Variants in ZNF804B observed in about 807,000 individuals in gnomAD.
The protein encoded by ZNF804B is zinc finger protein 804B, also known as zinc finger 804B.
In ZNF804B, 80 loss-of-function variants were observed where a neutral mutation model predicts 101.4. That is an observed-to-expected ratio of 0.79 (90% CI 0.66 to 0.95). The LOEUF (loss-of-function observed/expected upper bound fraction) is 0.95. ZNF804B is among the 40% of genes least tolerant of loss of function. The pLI, the probability that ZNF804B is intolerant of heterozygous loss-of-function variation, is 0.00. For missense variants in ZNF804B, 1,673 were observed against 1,561.9 expected, an observed-to-expected ratio of 1.07 and a Z score of -1.20; for synonymous variants, 622 against 558.8, an observed-to-expected ratio of 1.11 and a Z score of -1.59.
chr7:88,883,915 A>G (rs1191360687), intron 1 of ZNF804B, among the ~76,000 whole-genome samples: 1 of 152,044 alleles, frequency 6.6e-6, no homozygotes, highest in Non-Finnish European at 1.5e-5. Flanking sequence ...TATTTATTTT[A>G]GAAGACAATA....
At chr7:88,913,046 A>G (rs1367639753) in intron 1 of ZNF804B, among the ~76,000 whole-genome samples, 1 of 152,184 alleles carries the variant, frequency 6.6e-6, no homozygotes, top group African/African-American at 2.4e-5. Flanking sequence ...CAACATAGGT[A>G]GCTTCCTGGT....
chr7:88,804,560 C>G (rs1352684399), intron 1 of ZNF804B, among the ~76,000 whole-genome samples: 1 of 151,952 alleles, frequency 6.6e-6, no homozygotes, highest in African/African-American at 2.4e-5. Context: ...AACTAACACA[C>G]AGTGCACATT....
chr7:89,334,305 A>C lies in ZNF804B; in HGVS notation c.1323A>C (p.Leu441=). 2 of 1,613,846 alleles carry C rather than the reference A, an allele frequency of 1.2e-6. No individual in the cohort carries two copies. Among genetic ancestry groups the C allele is most frequent in the Non-Finnish European group, 1.7e-6 (2 of 1,179,850 alleles). Residue 441 remains leucine (L), a synonymous_variant, in exon 4 of 4, where the codon CTA becomes CTC. Transcript: ENST00000333190. ...ACTHNVASKP[L]PFLHVQSKDG... ...CCCATAATGTGGCATCTAAACCACT[A>C]CCTTTTCTCCACGTTCAAAGCAAGG...
chr7:88,768,444 G>A (rs7802122), intron 1 of ZNF804B, among the ~76,000 whole-genome samples: 59,224 of 152,098 alleles, frequency 0.39, 13,126 homozygotes, highest in African/African-American at 0.6. Context: ...TTGGCTAGGC[G>A]CAGTGGCTCA....
At chr7:89,182,056 T>A (rs1228630193) in intron 1 of ZNF804B, among the ~76,000 whole-genome samples, 1 of 152,196 alleles carries the variant, frequency 6.6e-6, no homozygotes, top group African/African-American at 2.4e-5. Context: ...CAAATTAACA[T>A]TGAGCAGATG....
At chr7:89,241,876 G>A (rs914026043) in intron 2 of ZNF804B, among the ~76,000 whole-genome samples, 2 of 150,754 alleles carry the variant, frequency 1.3e-5, no homozygotes, top group Non-Finnish European at 3.0e-5. Flanking sequence ...ATGGTTATTG[G>A]AAGAGTCTAC....
At chr7:89,208,426 C>T (rs1441161307) in intron 1 of ZNF804B, among the ~76,000 whole-genome samples, 1 of 152,138 alleles carries the variant, frequency 6.6e-6, no homozygotes, top group East Asian at 1.9e-4. Context: ...AATCTACAGC[C>T]TTTATAAACT....
intron 1 of ZNF804B, among the ~76,000 whole-genome samples, chr7:88,885,222 C>T (rs1562822593): frequency 6.6e-6 from 1 of 151,880 alleles, no homozygotes. Context: ...CTGCTACCTT[C>T]CTCAGAGCAG....
At chr7:89,060,603 C>T (rs1049947712) in intron 1 of ZNF804B, among the ~76,000 whole-genome samples, 1 of 151,996 alleles carries the variant, frequency 6.6e-6, no homozygotes, top group African/African-American at 2.4e-5. Context: ...AAGAAATCTC[C>T]CCTGCCAAGT....
chr7:89,265,384 C>T (rs1394747158), intron 2 of ZNF804B, among the ~76,000 whole-genome samples: 2 of 152,126 alleles, frequency 1.3e-5, no homozygotes, highest in African/African-American at 4.8e-5. Context: ...AAAAAGGATG[C>T]TTTAGGCAGG....
At chr7:88,855,829 C>A (rs1440221290) in intron 1 of ZNF804B, among the ~76,000 whole-genome samples, 2 of 152,164 alleles carry the variant, frequency 1.3e-5, no homozygotes, top group Non-Finnish European at 2.9e-5. Context: ...ATATGGCTAG[C>A]CAGTTTTCCC....
Position 88,795,382 on chromosome 7 carries a change from T to G in ZNF804B, c.108+35298T>G, listed in dbSNP as rs150418943. 2.1e-3 allele frequency among the ~76,000 whole-genome samples: 318 copies of G among 152,246 alleles called. 2 individuals carry two copies. The highest frequency in any genetic ancestry group is 7.4e-3 in the African/African-American group (308 of 41,566). ...AAAAAATCCAAGGCTTTTTAAGTCC[T>G]AATTAGCTTATGTAACCTTTAGTCA... On this transcript the variant is annotated intron_variant, in intron 1 of 3. Transcript: ENST00000333190.
At chr7:89,065,682 T>G (rs1449745767) in intron 1 of ZNF804B, among the ~76,000 whole-genome samples, 7 of 152,110 alleles carry the variant, frequency 4.6e-5, no homozygotes, top group Non-Finnish European at 1.0e-4. Flanking sequence ...TTCTAAAGGC[T>G]TCTGGTGGGG....
chr7:88,845,295 G>GCACACACA (rs1260085679), intron 1 of ZNF804B, among the ~76,000 whole-genome samples: 18 of 101,398 alleles, frequency 1.8e-4, no homozygotes, highest in African/African-American at 7.5e-4. Context: ...GCGCGCGCAC[G>GCACACACA]CGCGCGCACA....
intron 1 of ZNF804B, among the ~76,000 whole-genome samples, chr7:89,139,595 G>A (rs1003327327): frequency 6.6e-5 from 10 of 151,426 alleles, no homozygotes; most frequent in African/African-American, 2.4e-4. Context: ...TCTTCACCAG[G>A]AATAGATTAC....
intron 1 of ZNF804B, among the ~76,000 whole-genome samples, chr7:89,075,621 G>A (rs371442000): frequency 5.3e-5 from 8 of 151,564 alleles, no homozygotes; most frequent in East Asian, 1.9e-4. Context: ...AGTGTAGAAC[G>A]GAAATGTGGA....
chr7:89,031,667 T>G (rs73204313), intron 1 of ZNF804B, among the ~76,000 whole-genome samples: 10,634 of 151,306 alleles, frequency 0.07, 609 homozygotes, highest in Non-Finnish European at 0.098. Flanking sequence ...TTTTGTTTTT[T>G]TTTTTTTCCC....
chr7:88,854,975 G>GTGCCACAT (rs1355141220), intron 1 of ZNF804B, among the ~76,000 whole-genome samples: 5 of 151,848 alleles, frequency 3.3e-5, no homozygotes, highest in African/African-American at 1.2e-4. Flanking sequence ...TGGTGTATAT[G>GTGCCACAT]TGCCACATTT....
At chr7:88,822,663 A>G (rs570975150) in intron 1 of ZNF804B, among the ~76,000 whole-genome samples, 3 of 152,312 alleles carry the variant, frequency 2.0e-5, no homozygotes, top group Admixed American at 6.5e-5. Flanking sequence ...GTACCATTCA[A>G]TAGGACTTGA....
Sources: allele counts gnomAD v4.1 joint callset (sites outside exome capture counted in the v4.1 genomes callset), GRCh38; gene constraint gnomAD v4.1.1; transcripts MANE v1.5; gene names NCBI Gene and HGNC (gene_info 2026-07-23, HGNC 2026-07-21).